PTCSC3: variants seen among roughly 807,000 people sequenced by gnomAD.
The protein encoded by PTCSC3 is papillary thyroid carcinoma susceptibility candidate 3, also known as papillary thyroid carcinoma susceptibility candidate 3 (non-protein coding).
At chr14:36,148,458 C>T (rs143150592) in intron 3 of PTCSC3, among the ~76,000 whole-genome samples, 10 of 152,120 alleles carry the variant, frequency 6.6e-5, no homozygotes, top group African/African-American at 1.2e-4. Context: ...TTCTTTGACT[C>T]GGAAAGGGAA....
In PTCSC3 at chr14:36,162,995, A is replaced by G. The variant is rs184971077; in HGVS notation, n.172-312T>C. ...TTTCTTTTTGAAGAAAATTTTAGCT[A>G]TCTTTACATAATAGCTGCTTAAGAA... On this transcript the variant is annotated intron_variant and non_coding_transcript_variant, in intron 1 of 3. Coordinates refer to ENST00000556013, the Ensembl canonical transcript of PTCSC3. Among the ~76,000 whole-genome samples the G allele has an allele frequency of 6.4e-3, 977 of 152,304 alleles. 6 individuals carry two copies. Among genetic ancestry groups the G allele is most frequent in the Non-Finnish European group, 1.0e-2 (677 of 68,024 alleles).
At chr14:36,173,850 C>T (rs1352115806) in intron 1 of PTCSC3, among the ~76,000 whole-genome samples, 1 of 152,090 alleles carries the variant, frequency 6.6e-6, no homozygotes, top group Non-Finnish European at 1.5e-5. Context: ...GCTCTTTCTG[C>T]TGGATATAAA....
intron 2 of PTCSC3, among the ~76,000 whole-genome samples, chr14:36,158,664 A>G (rs1209399548): frequency 6.6e-6 from 1 of 152,212 alleles, no homozygotes; most frequent in Non-Finnish European, 1.5e-5. Context: ...CCAGTGTTTT[A>G]CTGAGGATTT....
At chr14:36,155,168 C>T (rs1478807594) in intron 2 of PTCSC3, among the ~76,000 whole-genome samples, 1 of 152,088 alleles carries the variant, frequency 6.6e-6, no homozygotes, top group Non-Finnish European at 1.5e-5. Context: ...ATTAAAGATT[C>T]TAACATTCAA....
At chr14:36,138,019 G>T (rs1463707160) in intron 3 of PTCSC3, among the ~76,000 whole-genome samples, 1 of 152,120 alleles carries the variant, frequency 6.6e-6, no homozygotes, top group African/African-American at 2.4e-5. Context: ...TGTGAACCCT[G>T]GATCACTCTG....
intron 3 of PTCSC3, among the ~76,000 whole-genome samples, chr14:36,140,365 G>C (rs982766746): frequency 1.3e-5 from 2 of 152,144 alleles, no homozygotes; most frequent in Admixed American, 1.3e-4. Flanking sequence ...AAATACTTAA[G>C]AGCATATTGG....
intron 1 of PTCSC3, among the ~76,000 whole-genome samples, chr14:36,168,310 C>T (rs1479537014): frequency 6.8e-6 from 1 of 146,718 alleles, no homozygotes; most frequent in Non-Finnish European, 1.5e-5. Context: ...AACATTATGC[C>T]TTTGCATTCC....
rs977008353 is a variant in PTCSC3, at chr14:36,137,934, C to T, written n.323-1578G>A. Reference sequence around the variant, plus strand: ...CAGAAATGCATTTGAGAATTATCTACGTATTGATAGCAATAAAGTCCTGGG... The same window carrying T: ...CAGAAATGCATTTGAGAATTATCTATGTATTGATAGCAATAAAGTCCTGGG... On this transcript the variant is annotated intron_variant and non_coding_transcript_variant, in intron 3 of 3. Transcript: ENST00000556013. Among the ~76,000 whole-genome samples, 8 of 152,172 alleles carry T rather than the reference C, an allele frequency of 5.3e-5. No individual in the cohort carries two copies. The East Asian group carries it at 5.8e-4, about 11-fold the overall frequency.
chr14:36,145,064 G>T (rs375044571), intron 3 of PTCSC3, among the ~76,000 whole-genome samples: 1 of 105,206 alleles, frequency 9.5e-6, no homozygotes, highest in African/African-American at 3.5e-5. Flanking sequence ...CGTTTTGCCC[G>T]TATTTTATTG....
chr14:36,159,234 G>A (rs1459379885), intron 2 of PTCSC3, among the ~76,000 whole-genome samples: 1 of 64,678 alleles, frequency 1.5e-5, no homozygotes, highest in East Asian at 3.8e-4. Flanking sequence ...TTTTTTTTGC[G>A]TCTTTATTTC....
intron 1 of PTCSC3, among the ~76,000 whole-genome samples, chr14:36,171,962 A>C (rs1882202393): frequency 6.6e-6 from 1 of 152,220 alleles, no homozygotes; most frequent in Admixed American, 6.5e-5. Flanking sequence ...TAGAAGCAAT[A>C]GCAAAGCTCT....
chr14:36,170,452 C>T (rs1025675474), intron 1 of PTCSC3, among the ~76,000 whole-genome samples: 2 of 152,126 alleles, frequency 1.3e-5, no homozygotes, highest in Non-Finnish European at 2.9e-5. Context: ...TAAATATACC[C>T]TACTCCTACT....
intron 1 of PTCSC3, among the ~76,000 whole-genome samples, chr14:36,163,922 T>C (rs1195934929): frequency 6.6e-6 from 1 of 152,148 alleles, no homozygotes; most frequent in South Asian, 2.1e-4. Flanking sequence ...ATAATGCAAA[T>C]GCGTTTGTGA....
intron 3 of PTCSC3, among the ~76,000 whole-genome samples, chr14:36,140,024 G>A (rs1594443049): frequency 6.6e-6 from 1 of 152,214 alleles, no homozygotes; most frequent in South Asian, 2.1e-4. Context: ...TGCAACCATG[G>A]ACCTTTTTAT....
intron 1 of PTCSC3, among the ~76,000 whole-genome samples, chr14:36,176,088 A>T (rs1334508261): frequency 3.3e-5 from 5 of 152,190 alleles, no homozygotes; most frequent in Non-Finnish European, 7.4e-5. Context: ...ATACATACAT[A>T]TGTACATAAT....
intron 1 of PTCSC3, among the ~76,000 whole-genome samples, chr14:36,168,094 T>C (rs1264955081): frequency 1.3e-5 from 2 of 151,992 alleles, no homozygotes; most frequent in African/African-American, 4.8e-5. Context: ...GCCAATAATA[T>C]TGTTGCTCCT....
At chr14:36,152,277 A>T (rs957422314) in intron 3 of PTCSC3, among the ~76,000 whole-genome samples, 1 of 152,192 alleles carries the variant, frequency 6.6e-6, no homozygotes, top group Non-Finnish European at 1.5e-5. Flanking sequence ...AATAAAAAAA[A>T]AACTTTTTTT....
At chr14:36,169,640 T>C (rs1008586956) in intron 1 of PTCSC3, among the ~76,000 whole-genome samples, 1 of 152,176 alleles carries the variant, frequency 6.6e-6, no homozygotes, top group Admixed American at 6.5e-5. Context: ...CCTATCAATC[T>C]GGTTGTGTTT....
At chr14:36,156,013 CTT>C (rs1298999657) in intron 2 of PTCSC3, among the ~76,000 whole-genome samples, 1 of 151,920 alleles carries the variant, frequency 6.6e-6, no homozygotes, top group Non-Finnish European at 1.5e-5. Flanking sequence ...CTGCATGAAA[CTT>C]TTGGTTTATG....
Sources: gnomAD v4.1 joint callset for allele counts (sites outside exome capture counted in the v4.1 genomes callset) on GRCh38, gnomAD v4.1.1 for gene constraint, MANE v1.5 for transcripts, NCBI Gene and HGNC (gene_info 2026-07-23, HGNC 2026-07-21) for gene names.